Variants in OPN5 observed in about 807,000 individuals in gnomAD.
OPN5 encodes the protein opsin 5, also known as opsin-5.
Under a neutral mutation model 41.7 loss-of-function variants are expected in OPN5, and 18 were observed. The observed-to-expected ratio is 0.43, with a 90% CI of 0.30 to 0.64. The LOEUF (loss-of-function observed/expected upper bound fraction) is 0.64, where lower values mean the gene tolerates loss of function less well. Among genes scored for constraint, OPN5 ranks in the 30% least tolerant of loss-of-function variants. The probability of loss-of-function intolerance (pLI) is 0.13; values close to 1 mark genes in which losing one functional copy is unlikely to be tolerated. For synonymous variants in OPN5, 178 were observed against 164.3 expected (o/e 1.08, Z -0.64); for missense variants, 318 against 434.5 (o/e 0.73, Z 2.38).
chr6:47,787,593 A>C (rs1178673597), intron 2 of OPN5, among the ~76,000 whole-genome samples: 1 of 152,168 alleles, frequency 6.6e-6, no homozygotes, highest in Non-Finnish European at 1.5e-5. Flanking sequence ...GTTTCCCGTC[A>C]AAAGCCTCCT....
intron 2 of OPN5, among the ~76,000 whole-genome samples, chr6:47,790,031 T>A (rs1157009614): frequency 6.6e-6 from 1 of 152,042 alleles, no homozygotes; most frequent in Non-Finnish European, 1.5e-5. Flanking sequence ...AATAAATAGT[T>A]TAAATCCCAG....
At chr6:47,808,132 C>A (rs781357047) in intron 4 of OPN5, 22 bp from the exon 5 acceptor site, 2 of 1,613,398 alleles carry the variant, frequency 1.2e-6, no homozygotes, top group Non-Finnish European at 1.7e-6. Context: ...TGATTCTTTT[C>A]TCTGTTGCTT....
chr6:47,819,494 C>T (rs1453360313), intron 6 of OPN5, among the ~76,000 whole-genome samples: 3 of 65,106 alleles, frequency 4.6e-5, no homozygotes, highest in Non-Finnish European at 6.6e-5. Flanking sequence ...ATTCAGTGTT[C>T]TCAGAATTTA....
chr6:47,789,309 G>A (rs1773292830), intron 2 of OPN5, among the ~76,000 whole-genome samples: 1 of 151,880 alleles, frequency 6.6e-6, no homozygotes. Flanking sequence ...TAAAACAACA[G>A]TTTCCATCTA....
At chr6:47,783,912 C>T (rs1773137347) in intron 1 of OPN5, among the ~76,000 whole-genome samples, 1 of 152,178 alleles carries the variant, frequency 6.6e-6, no homozygotes, top group South Asian at 2.1e-4. Context: ...ACAAATCTCT[C>T]CAGACAACAC....
At chr6:47,785,003 A>G (rs992385683) in intron 1 of OPN5, among the ~76,000 whole-genome samples, 1 of 152,192 alleles carries the variant, frequency 6.6e-6, no homozygotes, top group Non-Finnish European at 1.5e-5. Context: ...AGAGGTGACT[A>G]TTTTTTGATA....
At chr6:47,817,276 CT>C (rs139510958) in intron 6 of OPN5, among the ~76,000 whole-genome samples, 1,896 of 152,170 alleles carry the variant, frequency 0.012, 43 homozygotes, top group African/African-American at 0.043. Context: ...AGAGAGTTTG[CT>C]GAGTTGGGAG....
chr6:47,814,521 A>C (rs1762372490), intron 6 of OPN5, among the ~76,000 whole-genome samples: 1 of 152,162 alleles, frequency 6.6e-6, no homozygotes, highest in Non-Finnish European at 1.5e-5. Context: ...TAAGTCCTCC[A>C]TGCTTTGGTT....
intron 4 of OPN5, among the ~76,000 whole-genome samples, chr6:47,801,559 C>A (rs193134694): frequency 5.9e-4 from 90 of 152,250 alleles, no homozygotes; most frequent in African/African-American, 1.9e-3. Flanking sequence ...CTTTAAAAAA[C>A]CCCCAAAACC....
chr6:47,797,779 G>T (rs1297258641), intron 4 of OPN5, among the ~76,000 whole-genome samples: 1 of 152,040 alleles, frequency 6.6e-6, no homozygotes, highest in African/African-American at 2.4e-5. Flanking sequence ...AATAAATCTG[G>T]GTCCTGATTG....
intron 5 of OPN5, among the ~76,000 whole-genome samples, chr6:47,811,332 T>C (rs1313642279): frequency 1.3e-5 from 2 of 152,160 alleles, no homozygotes; most frequent in Non-Finnish European, 2.9e-5. Flanking sequence ...TGCAATGCTG[T>C]CTTCATAAAG....
chr6:47,791,863 C>G, exon 3 of OPN5: 1 of 1,613,866 alleles, frequency 6.2e-7, no homozygotes, highest in Non-Finnish European at 8.5e-7. Flanking sequence ...TTGGCTGGAT[C>G]GGCTGCCGCT....
intron 6 of OPN5, among the ~76,000 whole-genome samples, chr6:47,813,068 AAACAACAACAAC>A (rs70999651): frequency 0.063 from 8,731 of 139,136 alleles, 326 homozygotes; most frequent in South Asian, 0.1. Context: ...TCTATGATTA[AAACAACAACAAC>A]AACAACAACA....
At chr6:47,816,962 T>C (rs1007741829) in intron 6 of OPN5, among the ~76,000 whole-genome samples, 4 of 152,182 alleles carry the variant, frequency 2.6e-5, no homozygotes, top group African/African-American at 9.7e-5. Flanking sequence ...TTTCTCAATA[T>C]GTCTGGTCAC....
At position 47,792,982 on chromosome 6, in the gene OPN5, G is replaced by GTT. The variant is rs11409547; in HGVS notation, c.421+1026_421+1027dup. Among the ~76,000 whole-genome samples, 1,069 of 138,046 alleles carry GTT rather than the reference G, an allele frequency of 7.7e-3. 11 individuals carry two copies. Among genetic ancestry groups the GTT allele is most frequent in the Non-Finnish European group, 0.011 (703 of 64,640 alleles). 90.6% of individuals were successfully genotyped at this position (138,046 alleles called of 152,430 possible). A position where few individuals can be genotyped will look rare whatever the true frequency, so the allele number is the denominator to read the frequency against. ...CATTCTCTTCATCATCCAGCACTAC[G>GTT]TTTTTTTTTTTTTTTTTAAAGTTTA... is the stretch of plus-strand genomic sequence containing the variant. On this transcript the variant is annotated intron_variant, in intron 3 of 6. Coordinates refer to ENST00000371211, the Ensembl canonical transcript of OPN5.
chr6:47,810,807 C>A (rs1388391603), intron 5 of OPN5, among the ~76,000 whole-genome samples: 1 of 152,106 alleles, frequency 6.6e-6, no homozygotes, highest in Non-Finnish European at 1.5e-5. Context: ...TTTCCTACAC[C>A]TGGGTATCCA....
At chr6:47,794,157 G>T (rs529141301) in intron 3 of OPN5, among the ~76,000 whole-genome samples, 6 of 152,292 alleles carry the variant, frequency 3.9e-5, no homozygotes, top group Admixed American at 2.0e-4. Context: ...AGTCTTGCAT[G>T]CACAAGGTCA....
chr6:47,817,156 C>T (rs1762453066), intron 6 of OPN5, among the ~76,000 whole-genome samples: 1 of 152,106 alleles, frequency 6.6e-6, no homozygotes. Flanking sequence ...TAGAGATTTA[C>T]TCCACTCCGG....
chr6:47,807,237 T>C (rs1443183336), intron 4 of OPN5, among the ~76,000 whole-genome samples: 2 of 152,222 alleles, frequency 1.3e-5, no homozygotes, highest in Non-Finnish European at 2.9e-5. Context: ...TATTCAGCCT[T>C]GTACTGTAGT....
Sources: allele counts gnomAD v4.1 joint callset (sites outside exome capture counted in the v4.1 genomes callset), GRCh38; gene constraint gnomAD v4.1.1; transcripts MANE v1.5; gene names NCBI Gene and HGNC (gene_info 2026-07-23, HGNC 2026-07-21).